Variants in PDE10A observed in about 807,000 individuals in gnomAD.
PDE10A encodes phosphodiesterase 10A.
Under a neutral mutation model 97.7 loss-of-function variants are expected in PDE10A, and 39 were observed. The observed-to-expected ratio is 0.40, with a 90% CI of 0.31 to 0.52. The LOEUF is 0.52. Ranked by LOEUF, PDE10A falls within the 20% of genes least tolerant of loss-of-function variation. PDE10A has a pLI of 0.56. For synonymous variants in PDE10A, 371 were observed against 376.8 expected, an observed-to-expected ratio of 0.98 and a Z score of 0.18; for missense variants, 731 against 1,047.8, an observed-to-expected ratio of 0.70 and a Z score of 4.17.
intron 3 of PDE10A, among the ~76,000 whole-genome samples, chr6:165,475,779 A>G (rs773427535): frequency 6.6e-5 from 10 of 152,254 alleles, no homozygotes; most frequent in Admixed American, 3.9e-4. Context: ...CTTGGCATAC[A>G]GAAACACTAA....
At chr6:165,943,127 A>G (rs1783587838) in intron 1 of PDE10A, among the ~76,000 whole-genome samples, 1 of 141,406 alleles carries the variant, frequency 7.1e-6, no homozygotes, top group Admixed American at 7.2e-5. Flanking sequence ...GCGGTGGGGC[A>G]GGGGAGGCAA....
At position 165,444,570 on chromosome 6, in the gene PDE10A, T is replaced by A. The variant is rs538535892; in HGVS notation, c.1194+4358A>T. 2.3e-3 allele frequency among the ~76,000 whole-genome samples: 345 copies of A among 152,234 alleles called. 4 individuals are homozygous for A. Among genetic ancestry groups the A allele is most frequent in the Non-Finnish European group, 8.8e-4 (60 of 68,002 alleles). ...TTTGGTTTTTTAACCTGATCTAAGT[T>A]TTTTTTCTTTTAACAGTTGGATCTT... On this transcript the variant is annotated intron_variant, in intron 5 of 21. Coordinates refer to ENST00000539869, the MANE Select transcript of PDE10A (RefSeq NM_001385079.1).
chr6:165,716,401 G>A (rs1410714381), intron 1 of PDE10A, among the ~76,000 whole-genome samples: 1 of 152,244 alleles, frequency 6.6e-6, no homozygotes, highest in Non-Finnish European at 1.5e-5. Flanking sequence ...CAATGTGAAG[G>A]ATCTGAAACT....
At chr6:165,457,250 C>T (rs1778007143) in intron 3 of PDE10A, among the ~76,000 whole-genome samples, 1 of 152,098 alleles carries the variant, frequency 6.6e-6, no homozygotes, top group African/African-American at 2.4e-5. Flanking sequence ...TTCATAAAGT[C>T]CCTTCATGAC....
At chr6:165,821,074 G>A (rs562969587) in intron 1 of PDE10A, among the ~76,000 whole-genome samples, 24 of 152,280 alleles carry the variant, frequency 1.6e-4, no homozygotes, top group Admixed American at 1.4e-3. Flanking sequence ...CCAGGGCTGC[G>A]GTGGGGCAGT....
intron 1 of PDE10A, among the ~76,000 whole-genome samples, chr6:165,560,926 G>C (rs937752013): frequency 6.6e-6 from 1 of 152,048 alleles, no homozygotes; most frequent in African/African-American, 2.4e-5. Flanking sequence ...TTGTTTAAAA[G>C]TGTGTAGCAT....
chr6:165,758,496 AAAGAAGAAAGAAGAAAG>A (rs1485273102), intron 1 of PDE10A, among the ~76,000 whole-genome samples: 4 of 78,002 alleles, frequency 5.1e-5, no homozygotes, highest in African/African-American at 1.1e-4. Flanking sequence ...GAGAAAGAAG[AAAGAAGAAAGAAGAAAG>A]AAGAAGAAGA....
intron 1 of PDE10A, among the ~76,000 whole-genome samples, chr6:165,796,609 T>G (rs978781333): frequency 1.3e-5 from 2 of 152,154 alleles, no homozygotes; most frequent in Non-Finnish European, 2.9e-5. Context: ...AAATAAAATT[T>G]TTTCCTTTCA....
chr6:165,599,492 T>C (rs1358609983), intron 1 of PDE10A, among the ~76,000 whole-genome samples: 3 of 152,186 alleles, frequency 2.0e-5, no homozygotes, highest in Non-Finnish European at 4.4e-5. Context: ...CTTGGAGTAA[T>C]GAAAAGTCAA....
At chr6:165,924,297 C>T (rs1356080188) in intron 1 of PDE10A, among the ~76,000 whole-genome samples, 1 of 152,144 alleles carries the variant, frequency 6.6e-6, no homozygotes, top group African/African-American at 2.4e-5. Flanking sequence ...AGAACATCTT[C>T]CTTTGTGGTA....
chr6:165,503,241 C>T (rs1781000159), intron 2 of PDE10A, among the ~76,000 whole-genome samples: 1 of 152,160 alleles, frequency 6.6e-6, no homozygotes, highest in Non-Finnish European at 1.5e-5. Context: ...CAGCCACAAA[C>T]AACTTCAAGG....
At chr6:165,412,597 C>T (rs186914359) in intron 13 of PDE10A, among the ~76,000 whole-genome samples, 11 of 152,216 alleles carry the variant, frequency 7.2e-5, no homozygotes, top group Admixed American at 5.2e-4. Context: ...GGAGAGAGGA[C>T]GGGTACTCTC....
At chr6:165,619,244 G>GTAGTGTAGTCTAGCGTAGTGTAGTC (rs1787912303) in intron 1 of PDE10A, among the ~76,000 whole-genome samples, 1 of 139,984 alleles carries the variant, frequency 7.1e-6, no homozygotes, top group African/African-American at 3.2e-5. Flanking sequence ...CTAGTGTGGT[G>GTAGTGTAGTCTAGCGTAGTGTAGTC]TAGTGTAGTC....
intron 1 of PDE10A, among the ~76,000 whole-genome samples, chr6:165,619,757 G>C (rs992747527): frequency 3.8e-4 from 57 of 151,986 alleles, no homozygotes; most frequent in African/African-American, 1.1e-3. Context: ...GTGTAGTCTA[G>C]TGTAGTGTAG....
chr6:165,883,401 G>A (rs779612531), intron 1 of PDE10A, among the ~76,000 whole-genome samples: 21 of 152,176 alleles, frequency 1.4e-4, no homozygotes, highest in Admixed American at 2.6e-4. Flanking sequence ...AAATGGCCCA[G>A]AATGGTGACA....
chr6:165,456,712 G>C (rs942655752), intron 3 of PDE10A, among the ~76,000 whole-genome samples: 83 of 152,168 alleles, frequency 5.5e-4, no homozygotes, highest in African/African-American at 2.0e-3. Context: ...AAATTTCTGA[G>C]ATAAGCTATG....
At chr6:165,777,657 T>C (rs548697142) in intron 1 of PDE10A, among the ~76,000 whole-genome samples, 88 of 152,280 alleles carry the variant, frequency 5.8e-4, no homozygotes, top group Non-Finnish European at 1.0e-3. Context: ...TGAAGCCAAA[T>C]GGACAGATAA....
chr6:165,940,502 T>G (rs1783479637), intron 1 of PDE10A: 1 of 152,278 alleles, frequency 6.6e-6, no homozygotes, highest in African/African-American at 2.4e-5. Flanking sequence ...TCTGGCGCAG[T>G]TTTTCATCGT....
chr6:165,493,920 T>C (rs1286881851), intron 2 of PDE10A, among the ~76,000 whole-genome samples: 1 of 151,284 alleles, frequency 6.6e-6, no homozygotes, highest in East Asian at 1.9e-4. Context: ...GCAATCTATA[T>C]ATCTGAGAAA....
Sources: gnomAD v4.1 joint callset for allele counts (sites outside exome capture counted in the v4.1 genomes callset) on GRCh38, gnomAD v4.1.1 for gene constraint, MANE v1.5 for transcripts, NCBI Gene and HGNC (gene_info 2026-07-23, HGNC 2026-07-21) for gene names.